The following LRRC3B variants were observed in gnomAD, a reference collection of about 807,000 sequenced individuals.
The protein encoded by LRRC3B is leucine-rich repeat-containing protein 3B.
Under a neutral mutation model 12.8 loss-of-function variants are expected in LRRC3B, and 2 were observed. The ratio of observed to expected loss-of-function variants is 0.16; its 90% CI spans 0.06 to 0.49. The LOEUF is 0.49. Ranked by LOEUF, LRRC3B falls within the 20% of genes least tolerant of loss-of-function variation. LRRC3B has a pLI of 0.96. For synonymous variants in LRRC3B, 132 were observed against 122.0 expected (o/e 1.08, Z -0.54); for missense variants, 189 against 319.4 (o/e 0.59, Z 3.11).
At chr3:26,629,894 G>A (rs1401658395) in intron 1 of LRRC3B, among the ~76,000 whole-genome samples, 2 of 149,150 alleles carry the variant, frequency 1.3e-5, no homozygotes, top group Non-Finnish European at 3.0e-5. Context: ...GGAGGGCCAA[G>A]CAATTGGCAG....
intron 1 of LRRC3B, among the ~76,000 whole-genome samples, chr3:26,655,781 T>C (rs1699361008): frequency 6.6e-6 from 1 of 152,206 alleles, no homozygotes; most frequent in African/African-American, 2.4e-5. Flanking sequence ...TAATAATGTC[T>C]ACTGGTTACT....
intron 1 of LRRC3B, among the ~76,000 whole-genome samples, chr3:26,696,378 C>T (rs1700317446): frequency 6.6e-6 from 1 of 152,076 alleles, no homozygotes; most frequent in Non-Finnish European, 1.5e-5. Context: ...AATTAATAGC[C>T]TACAGGGGCT....
chr3:26,640,489 A>G (rs2125407434), intron 1 of LRRC3B, among the ~76,000 whole-genome samples: 1 of 151,636 alleles, frequency 6.6e-6, no homozygotes, highest in Admixed American at 6.6e-5. Context: ...TGCTTTATGC[A>G]GACCCCAGCT....
chr3:26,710,242 C>T (rs375239096), exon 2 of LRRC3B: 72 of 1,613,688 alleles, frequency 4.5e-5, no homozygotes, highest in East Asian at 4.2e-4. Flanking sequence ...ATGCTGCCAA[C>T]GACGCTGACC....
chr3:26,683,577 C>T (rs1165382951), intron 1 of LRRC3B, among the ~76,000 whole-genome samples: 2 of 152,188 alleles, frequency 1.3e-5, no homozygotes, highest in Non-Finnish European at 2.9e-5. Context: ...CAGCCGTATT[C>T]AAAGTCCTTG....
chr3:26,680,836 C>G (rs944621457), intron 1 of LRRC3B, among the ~76,000 whole-genome samples: 11 of 152,240 alleles, frequency 7.2e-5, no homozygotes, highest in African/African-American at 2.6e-4. Context: ...TTGGCATATC[C>G]TAAAAGACAG....
At chr3:26,622,894 G>A (rs1488949607) in exon 1 of LRRC3B, 1 of 152,140 alleles carries the variant, frequency 6.6e-6, no homozygotes, top group African/African-American at 2.4e-5. Flanking sequence ...ACGGCGCCTG[G>A]AGCAGGGTCT....
At chr3:26,650,983 T>G (rs550248107) in intron 1 of LRRC3B, among the ~76,000 whole-genome samples, 3 of 152,330 alleles carry the variant, frequency 2.0e-5, no homozygotes, top group Admixed American at 6.5e-5. Flanking sequence ...GCACCTCAAG[T>G]TAAATTAATT....
chr3:26,691,537 G>A (rs375979304), intron 1 of LRRC3B, among the ~76,000 whole-genome samples: 19 of 152,202 alleles, frequency 1.2e-4, no homozygotes, highest in South Asian at 6.2e-4. Flanking sequence ...AAATAAAAAC[G>A]GGAAGGAAGG....
intron 1 of LRRC3B, among the ~76,000 whole-genome samples, chr3:26,639,471 T>C (rs900251140): frequency 6.9e-6 from 1 of 144,542 alleles, no homozygotes; most frequent in Non-Finnish European, 1.5e-5. Flanking sequence ...AATGACTGAA[T>C]TGGAATCTTT....
chr3:26,699,618 CAGA>C (rs1372541210), intron 1 of LRRC3B, among the ~76,000 whole-genome samples: 4 of 152,132 alleles, frequency 2.6e-5, no homozygotes, highest in Admixed American at 2.0e-4. Context: ...TCATCCTACT[CAGA>C]AGTACAACTG....
At chr3:26,671,047 G>A (rs1248457401) in intron 1 of LRRC3B, among the ~76,000 whole-genome samples, 1 of 111,492 alleles carries the variant, frequency 9.0e-6, no homozygotes, top group Non-Finnish European at 1.6e-5. Context: ...ACGGAGTCTC[G>A]CTCTGTCGCC....
At chr3:26,675,076 A>ATCTT (rs1699829352) in intron 1 of LRRC3B, among the ~76,000 whole-genome samples, 1 of 152,152 alleles carries the variant, frequency 6.6e-6, no homozygotes, top group African/African-American at 2.4e-5. Flanking sequence ...TCTTTCTTTG[A>ATCTT]TCTTTGTTTT....
chr3:26,664,954 A>C (rs957190471), intron 1 of LRRC3B, among the ~76,000 whole-genome samples: 2 of 151,238 alleles, frequency 1.3e-5, no homozygotes, highest in Non-Finnish European at 2.9e-5. Context: ...TAGGTCTGGG[A>C]TAGGGTACAA....
chr3:26,629,720 T>C (rs1698712622), intron 1 of LRRC3B, among the ~76,000 whole-genome samples: 1 of 152,210 alleles, frequency 6.6e-6, no homozygotes, highest in African/African-American at 2.4e-5. Context: ...TGTGTGGTTT[T>C]TTATTGGGGT....
intron 1 of LRRC3B, among the ~76,000 whole-genome samples, chr3:26,640,442 A>C (rs375552649): frequency 1.5e-5 from 2 of 130,760 alleles, no homozygotes; most frequent in South Asian, 2.5e-4. Context: ...AAAAAAAAAA[A>C]CCCAAAAAAC....
chr3:26,685,002 G>A (rs1365860249), intron 1 of LRRC3B, among the ~76,000 whole-genome samples: 1 of 152,068 alleles, frequency 6.6e-6, no homozygotes, highest in African/African-American at 2.4e-5. Flanking sequence ...TGCCCAGGCT[G>A]GAGTGCAGTG....
At chr3:26,707,187 A>C (rs1700614285) in intron 1 of LRRC3B, among the ~76,000 whole-genome samples, 1 of 123,378 alleles carries the variant, frequency 8.1e-6, no homozygotes. Context: ...CCCTGTCTCT[A>C]CTAAAAATAC....
intron 1 of LRRC3B, among the ~76,000 whole-genome samples, chr3:26,698,015 T>C (rs1700361694): frequency 6.6e-6 from 1 of 152,118 alleles, no homozygotes; most frequent in Non-Finnish European, 1.5e-5. Context: ...TAAAATGAAA[T>C]CATTGACTCT....
Sources: allele counts gnomAD v4.1 joint callset (sites outside exome capture counted in the v4.1 genomes callset), GRCh38; gene constraint gnomAD v4.1.1; transcripts MANE v1.5; gene names NCBI Gene and HGNC (gene_info 2026-07-23, HGNC 2026-07-21).